SPOPL: variants seen among roughly 807,000 people sequenced by gnomAD.
SPOPL encodes speckle-type POZ protein-like.
A neutral mutation model predicts 53.8 loss-of-function variants in SPOPL; 23 were observed. That is an observed-to-expected ratio of 0.43 (90% CI 0.31 to 0.61). The LOEUF (loss-of-function observed/expected upper bound fraction) is 0.61, where lower values mean the gene tolerates loss of function less well. SPOPL is among the 20% of genes least tolerant of loss of function. The pLI is 0.12. For synonymous variants in SPOPL, 164 were observed against 149.7 expected (o/e 1.10, Z -0.70); for missense variants, 442 against 466.9 (o/e 0.95, Z 0.49).
chr2:138,572,084 A>C lies in SPOPL; in HGVS notation c.*3004A>C, dbSNP rs1558886074. 6.6e-6 allele frequency: 1 copy of C among 152,422 alleles called. No homozygotes were observed. The highest frequency in any genetic ancestry group is 2.4e-5 in the African/African-American group (1 of 41,392). The allele number at this position is 152,422 out of a possible 1,614,324, so 9.4% of individuals were successfully genotyped here. Reference sequence around the variant, plus strand: ...TTGGGGCTTGTGTGTGGTATGTTACAAAGAGTGAATTTCTGGAAATAGAAA... The same window carrying C: ...TTGGGGCTTGTGTGTGGTATGTTACCAAGAGTGAATTTCTGGAAATAGAAA... On this transcript the variant is annotated 3_prime_UTR_variant, in exon 11 of 11. Transcript: ENST00000280098.
At chr2:138,544,823 G>A (rs530943080) in intron 1 of SPOPL, among the ~76,000 whole-genome samples, 11 of 152,262 alleles carry the variant, frequency 7.2e-5, no homozygotes, top group African/African-American at 1.9e-4. Flanking sequence ...CTTCTGCGTC[G>A]CTCACACTGG....
In SPOPL at chr2:138,565,851, AG is replaced by A. The variant is rs569700562; in HGVS notation, c.1034+859del. Among the ~76,000 whole-genome samples the A allele has an allele frequency of 1.5e-3, 234 of 151,286 alleles. 1 individual carries two copies. The highest frequency in any genetic ancestry group is 5.4e-3 in the African/African-American group (221 of 41,120). ...TGGGTTCACGCCATTCTCCTGCCTC[AG>A]CCTCCCAAGTAGCTGGAACTACAGG... is the stretch of plus-strand genomic sequence containing the variant. On this transcript the variant is annotated intron_variant, in intron 10 of 10. Transcript: ENST00000280098.
intron 10 of SPOPL, among the ~76,000 whole-genome samples, chr2:138,567,355 A>G (rs921165476): frequency 2.7e-5 from 4 of 145,924 alleles, no homozygotes; most frequent in African/African-American, 1.0e-4. Flanking sequence ...AGTTTTAACA[A>G]TGAGAAAGAG....
At chr2:138,522,769 G>A (rs1558864796) in intron 1 of SPOPL, among the ~76,000 whole-genome samples, 1 of 152,088 alleles carries the variant, frequency 6.6e-6, no homozygotes, top group Non-Finnish European at 1.5e-5. Context: ...TTTCAGAGAC[G>A]AGCCTATCCA....
At chr2:138,540,689 C>T (rs928223390) in intron 1 of SPOPL, among the ~76,000 whole-genome samples, 1 of 152,210 alleles carries the variant, frequency 6.6e-6, no homozygotes, top group Non-Finnish European at 1.5e-5. Context: ...CATCTGCAAA[C>T]AGGGACAATT....
intron 1 of SPOPL, among the ~76,000 whole-genome samples, chr2:138,538,696 G>T (rs1684992223): frequency 6.6e-6 from 1 of 150,418 alleles, no homozygotes; most frequent in Non-Finnish European, 1.5e-5. Context: ...TTCACTTCCT[G>T]TTGGCTCAGC....
chr2:138,537,462 T>C (rs1684962395), intron 1 of SPOPL, among the ~76,000 whole-genome samples: 1 of 152,132 alleles, frequency 6.6e-6, no homozygotes, highest in Admixed American at 6.5e-5. Flanking sequence ...ACACAAGCAG[T>C]TCAGTCATGG....
rs1056408128 is a variant in SPOPL at position 138,568,819 on chromosome 2, A to G, written c.1035-117A>G. 9.6e-5 allele frequency: 98 copies of G among 1,015,868 alleles called. No homozygotes were observed. The African/African-American group carries it at 1.6e-3, about 16-fold the overall frequency. The allele number at this position is 1,015,868 out of a possible 1,614,324, so 62.9% of individuals were successfully genotyped here. On this transcript the variant is annotated intron_variant, in intron 10 of 10. Transcript: ENST00000280098. ...TTTAATAAAAGCAAATGATTTGAAT[A>G]CATAGGTAAAAAGTGTTCAAATATT...
intron 1 of SPOPL, among the ~76,000 whole-genome samples, chr2:138,506,108 C>T (rs1684210572): frequency 6.6e-6 from 1 of 152,070 alleles, no homozygotes; most frequent in Admixed American, 6.5e-5. Flanking sequence ...GAATAAGTTA[C>T]CCAAATTTTT....
intron 1 of SPOPL, among the ~76,000 whole-genome samples, chr2:138,544,835 A>G (rs762325815): frequency 6.6e-6 from 1 of 152,192 alleles, no homozygotes; most frequent in Non-Finnish European, 1.5e-5. Flanking sequence ...TCACACTGGG[A>G]GCTGTAGACT....
At chr2:138,555,498 A>G (rs927261835) in intron 5 of SPOPL, among the ~76,000 whole-genome samples, 1 of 152,156 alleles carries the variant, frequency 6.6e-6, no homozygotes, top group African/African-American at 2.4e-5. Context: ...TGAAAATCAA[A>G]AAGTCTAAAA....
Position 138,542,374 on chromosome 2 carries a change from C to G in SPOPL, c.-60-7783C>G, listed in dbSNP as rs148562741. On this transcript the variant is annotated intron_variant, in intron 1 of 10. Transcript: ENST00000280098. ...ATTATTATTGTGTGGGAGTCTAAGT[C>G]TCTTTGTAGGTCTGTAAGGACTTGC... Among the ~76,000 whole-genome samples, 566 of 152,218 alleles carry G rather than the reference C, an allele frequency of 3.7e-3. 2 individuals carry two copies. The highest frequency in any genetic ancestry group is 5.6e-3 in the Non-Finnish European group (378 of 68,014).
At chr2:138,555,958 A>G (rs538931351) in intron 5 of SPOPL, among the ~76,000 whole-genome samples, 2 of 152,184 alleles carry the variant, frequency 1.3e-5, no homozygotes, top group Admixed American at 6.5e-5. Context: ...TTTTTATTCT[A>G]GGTTCCATTC....
intron 1 of SPOPL, among the ~76,000 whole-genome samples, chr2:138,544,626 C>T (rs1685151628): frequency 6.6e-6 from 1 of 152,170 alleles, no homozygotes. Context: ...TCCAGGTGCC[C>T]TCTGTCACCC....
chr2:138,522,361 A>G (rs1684577670), intron 1 of SPOPL, among the ~76,000 whole-genome samples: 2 of 152,252 alleles, frequency 1.3e-5, no homozygotes, highest in South Asian at 4.1e-4. Flanking sequence ...TGGGGCAGAG[A>G]GCTCACACTA....
chr2:138,544,754 C>T (rs1306023343), intron 1 of SPOPL, among the ~76,000 whole-genome samples: 1 of 152,202 alleles, frequency 6.6e-6, no homozygotes, highest in African/African-American at 2.4e-5. Context: ...CACCCACTTT[C>T]CGACACTCCC....
intron 5 of SPOPL, among the ~76,000 whole-genome samples, chr2:138,555,314 A>G (rs1685401152): frequency 6.6e-6 from 1 of 152,182 alleles, no homozygotes; most frequent in Admixed American, 6.5e-5. Flanking sequence ...CCAACATATG[A>G]TCTTTGTGAA....
intron 1 of SPOPL, among the ~76,000 whole-genome samples, chr2:138,530,100 G>A (rs984497700): frequency 6.6e-6 from 1 of 152,180 alleles, no homozygotes; most frequent in African/African-American, 2.4e-5. Flanking sequence ...GTGTTAGTTT[G>A]CTAAAGATAA....
chr2:138,556,883 A>G (rs1300771857), intron 5 of SPOPL, among the ~76,000 whole-genome samples: 5 of 152,180 alleles, frequency 3.3e-5, no homozygotes, highest in Non-Finnish European at 5.9e-5. Context: ...TGGGCCAGGC[A>G]CGGTGGCTCA....
Sources: allele counts gnomAD v4.1 joint callset (sites outside exome capture counted in the v4.1 genomes callset), GRCh38; gene constraint gnomAD v4.1.1; transcripts MANE v1.5; gene names NCBI Gene and HGNC (gene_info 2026-07-23, HGNC 2026-07-21).